The following THSD7B variants were observed in gnomAD, a reference collection of about 807,000 sequenced individuals.
The protein encoded by THSD7B is thrombospondin type-1 domain-containing protein 7B.
Under a neutral mutation model 213.6 loss-of-function variants are expected in THSD7B, and 138 were observed. The ratio of observed to expected loss-of-function variants is 0.65; its 90% confidence interval spans 0.56 to 0.74. The LOEUF (loss-of-function observed/expected upper bound fraction) is 0.74, where lower values mean the gene tolerates loss of function less well. Among genes scored for constraint, THSD7B ranks in the 30% least tolerant of loss-of-function variants. THSD7B has a pLI of 0.00. For synonymous variants in THSD7B, 742 were observed against 687.0 expected, an observed-to-expected ratio of 1.08 and a Z score of -1.25; for missense variants, 1,931 against 1,991.5, an observed-to-expected ratio of 0.97 and a Z score of 0.58.
chr2:137,111,697 C>A (rs981190709), intron 4 of THSD7B, among the ~76,000 whole-genome samples: 6 of 152,194 alleles, frequency 3.9e-5, no homozygotes, highest in Middle Eastern at 3.4e-3. Context: ...CCCTAGTAGT[C>A]CAAACAAATT....
intron 15 of THSD7B, among the ~76,000 whole-genome samples, chr2:137,538,323 G>T (rs186137230): frequency 2.0e-5 from 3 of 151,582 alleles, no homozygotes; most frequent in African/African-American, 7.2e-5. Context: ...AGACTGGGAG[G>T]GTAACATTCA....
chr2:137,594,626 C>T (rs1681926508), intron 17 of THSD7B, among the ~76,000 whole-genome samples: 1 of 151,948 alleles, frequency 6.6e-6, no homozygotes, highest in Non-Finnish European at 1.5e-5. Context: ...TTGACTTAGA[C>T]TGAGTCTAAA....
At chr2:137,022,654 G>C (rs61356461) in intron 2 of THSD7B, among the ~76,000 whole-genome samples, 4,924 of 150,320 alleles carry the variant, frequency 0.033, 166 homozygotes, top group African/African-American at 0.084. Flanking sequence ...TTTTTGATGT[G>C]ACTACTAGAA....
At chr2:137,203,901 T>C (rs1431577603) in intron 7 of THSD7B, among the ~76,000 whole-genome samples, 6 of 152,112 alleles carry the variant, frequency 3.9e-5, no homozygotes, top group Non-Finnish European at 8.8e-5. Context: ...CATAATACTA[T>C]TTCATTGCAC....
At chr2:136,771,367 G>A (rs1681501498) in intron 1 of THSD7B, among the ~76,000 whole-genome samples, 1 of 152,138 alleles carries the variant, frequency 6.6e-6, no homozygotes, top group Non-Finnish European at 1.5e-5. Flanking sequence ...AGCACTGCTA[G>A]ATGGTCCCTG....
intron 1 of THSD7B, among the ~76,000 whole-genome samples, chr2:136,836,094 T>C (rs1682838276): frequency 6.6e-6 from 1 of 152,158 alleles, no homozygotes; most frequent in Non-Finnish European, 1.5e-5. Context: ...ATTAAAGAAT[T>C]TGAAGTTAAT....
At chr2:137,151,170 T>G (rs1409400216) in intron 5 of THSD7B, among the ~76,000 whole-genome samples, 1 of 152,222 alleles carries the variant, frequency 6.6e-6, no homozygotes, top group East Asian at 1.9e-4. Flanking sequence ...ATTTAACTTT[T>G]GTACTTCATA....
chr2:137,393,222 C>G (rs1342121163), intron 12 of THSD7B, among the ~76,000 whole-genome samples: 1 of 148,998 alleles, frequency 6.7e-6, no homozygotes, highest in South Asian at 2.1e-4. Flanking sequence ...AGGTTAGTTA[C>G]ATATGTATAC....
At chr2:137,256,000 T>A (rs1046456284) in intron 10 of THSD7B, among the ~76,000 whole-genome samples, 2 of 152,182 alleles carry the variant, frequency 1.3e-5, no homozygotes, top group African/African-American at 4.8e-5. Context: ...AGTGTCTGCC[T>A]CTGACTACCC....
chr2:137,546,330 G>A (rs1243438491), intron 15 of THSD7B, among the ~76,000 whole-genome samples: 1 of 104,664 alleles, frequency 9.6e-6, no homozygotes, highest in African/African-American at 3.7e-5. Flanking sequence ...CTGTGTTCAT[G>A]CATTCAGTAT....
intron 1 of THSD7B, among the ~76,000 whole-genome samples, chr2:136,810,186 T>C (rs1682351879): frequency 2.0e-5 from 3 of 152,188 alleles, no homozygotes; most frequent in Admixed American, 2.0e-4. Flanking sequence ...CCTGAGTTCA[T>C]GGCCCATGAA....
intron 12 of THSD7B, among the ~76,000 whole-genome samples, chr2:137,391,505 T>C (rs190818911): frequency 6.6e-6 from 1 of 152,106 alleles, no homozygotes; most frequent in East Asian, 1.9e-4. Context: ...CTGGCCAACA[T>C]AGTGAAGCCC....
intron 14 of THSD7B, among the ~76,000 whole-genome samples, chr2:137,427,544 T>C (rs112239559): frequency 0.014 from 2,175 of 152,048 alleles, 43 homozygotes; most frequent in African/African-American, 0.05. Context: ...TTTGTGGCAA[T>C]ATAGATGAAC....
At chr2:137,353,418 T>C (rs1685057839) in intron 12 of THSD7B, among the ~76,000 whole-genome samples, 2 of 152,234 alleles carry the variant, frequency 1.3e-5, no homozygotes, top group South Asian at 4.1e-4. Flanking sequence ...CTGCGCATCC[T>C]AGCTTCCCCG....
At chr2:137,375,522 T>C (rs1412996172) in intron 12 of THSD7B, among the ~76,000 whole-genome samples, 1 of 152,190 alleles carries the variant, frequency 6.6e-6, no homozygotes, top group Admixed American at 6.5e-5. Flanking sequence ...CTACATATTA[T>C]ATGAAATGAG....
rs142185301 is a variant in THSD7B, at chr2:137,434,562, G to C, written c.2960-16283G>C. On this transcript the variant is annotated intron_variant, in intron 14 of 27. Coordinates refer to ENST00000409968, the MANE Select transcript of THSD7B (RefSeq NM_001316349.2). ...AGTTATACAACTTCCAAAAAGACTG[G>C]GTCTTTCACGAGCTCATGGCTCCTT... 2.2e-4 allele frequency among the ~76,000 whole-genome samples: 34 copies of C among 152,244 alleles called. No individual in the cohort carries two copies. In the East Asian group the frequency reaches 6.6e-3, roughly 29 times the overall value.
chr2:136,806,981 G>A (rs572022314), intron 1 of THSD7B, among the ~76,000 whole-genome samples: 2 of 152,266 alleles, frequency 1.3e-5, no homozygotes, highest in South Asian at 4.1e-4. Flanking sequence ...TGGGGTTTTT[G>A]GGGGGAAGAC....
chr2:136,880,736 C>T (rs957446876), intron 1 of THSD7B, among the ~76,000 whole-genome samples: 1 of 152,114 alleles, frequency 6.6e-6, no homozygotes. Context: ...TCTCAAGTCT[C>T]TCCTGATCCT....
intron 16 of THSD7B, among the ~76,000 whole-genome samples, chr2:137,570,695 A>G (rs188322444): frequency 1.3e-5 from 2 of 152,300 alleles, no homozygotes; most frequent in African/African-American, 4.8e-5. Context: ...AGATCAGCAA[A>G]TGGCATGATT....
Sources: gnomAD v4.1 joint callset for allele counts (sites outside exome capture counted in the v4.1 genomes callset) on GRCh38, gnomAD v4.1.1 for gene constraint, MANE v1.5 for transcripts, NCBI Gene and HGNC (gene_info 2026-07-23, HGNC 2026-07-21) for gene names.